The following WDR35 variants were observed in gnomAD, a reference collection of about 807,000 sequenced individuals.
The protein encoded by WDR35 is WD repeat-containing protein 35.
In WDR35, 118 loss-of-function variants were observed where a neutral mutation model predicts 158.3. The ratio of observed to expected loss-of-function variants is 0.75; its 90% CI spans 0.64 to 0.87. The LOEUF is 0.87. WDR35 is among the 40% of genes least tolerant of loss of function. WDR35 has a pLI of 0.00. For synonymous variants in WDR35, 448 were observed against 476.1 expected (o/e 0.94, Z 0.77); for missense variants, 1,263 against 1,405.8 (o/e 0.90, Z 1.62).
chr2:19,926,793 G>C (rs1280058678), intron 25 of WDR35, among the ~76,000 whole-genome samples: 1 of 152,208 alleles, frequency 6.6e-6, no homozygotes, highest in East Asian at 1.9e-4. Flanking sequence ...TAGAGGTTAT[G>C]CTTGTGTTTC....
intron 2 of WDR35, among the ~76,000 whole-genome samples, chr2:19,984,040 T>C (rs1041256750): frequency 0.01 from 93 of 8,986 alleles, 2 homozygotes; most frequent in South Asian, 0.031. Context: ...TATATATATA[T>C]ACATATATAC....
In WDR35 at chr2:19,932,446, C is replaced by A; in HGVS notation, c.2660G>T (p.Trp887Leu). 6.2e-7 allele frequency: 1 copy of A among 1,613,102 alleles called. No individual in the cohort carries two copies. The highest frequency in any genetic ancestry group is 8.5e-7 in the Non-Finnish European group (1 of 1,179,448). ...AVDTCVHLNQ[W>L]NKAVELAKNH... ...TTTAGCCAATTCAACAGCTTTGTTC[C>A]ACTAGGAGAAAAATTACACCATTCA... Residue 887 changes from tryptophan (W) to leucine (L), a missense_variant and splice_region_variant, in exon 23 of 27, where the codon TGG (tryptophan) becomes TTG (leucine). Trp to Leu is a moderately conservative substitution (Grantham distance 61, BLOSUM62 -2). Coordinates refer to ENST00000281405, the MANE Select transcript of WDR35 (RefSeq NM_020779.4).
At chr2:19,924,513 G>A (rs1034982141) in intron 25 of WDR35, among the ~76,000 whole-genome samples, 7 of 152,148 alleles carry the variant, frequency 4.6e-5, no homozygotes, top group South Asian at 4.1e-4. Context: ...GCAGTGAGCC[G>A]AGATCGCGCC....
In WDR35 at chr2:19,914,136, G is replaced by C. The variant is rs1223358091; in HGVS notation, c.3263C>G (p.Ser1088Ter). 6.2e-7 allele frequency: 1 copy of C among 1,614,020 alleles called. No homozygotes were observed. The highest frequency in any genetic ancestry group is 1.3e-5 in the African/African-American group (1 of 74,928). The part of the protein sequence containing the change: ...IKLKSLETLS[S>*]EQKQQYEDLA... ...GTCTTCATACTGCTGTTTCTGTTCT[G>C]AACTGAGGGTCTCTAAAGATTTAAG... is the stretch of plus-strand genomic sequence containing the variant. The change falls in exon 26 of 27, where the codon TCA becomes TGA. Residue 1088 changes from serine to a stop codon, truncating the protein, a stop_gained. Transcript: ENST00000281405. LOFTEE classifies it high-confidence loss of function.
At chr2:19,981,756 C>T (rs1282464778) in intron 3 of WDR35, among the ~76,000 whole-genome samples, 20 of 152,072 alleles carry the variant, frequency 1.3e-4, no homozygotes, top group Admixed American at 1.2e-3. Flanking sequence ...CAGCCTCATG[C>T]AGTCTTCCCA....
At chr2:19,919,256 C>A (rs1234090641) in intron 25 of WDR35, among the ~76,000 whole-genome samples, 2 of 151,700 alleles carry the variant, frequency 1.3e-5, no homozygotes, top group African/African-American at 4.8e-5. Context: ...TGGCGGGCGC[C>A]TGTAGTCCCA....
At position 19,975,550 on chromosome 2, in the gene WDR35, C is replaced by T. The variant is rs770758879; in HGVS notation, c.550G>A (p.Asp184Asn). 3 of 1,613,480 alleles carry T rather than the reference C, an allele frequency of 1.9e-6. No homozygotes were observed. Among genetic ancestry groups the T allele is most frequent in the African/African-American group, 1.3e-5 (1 of 75,000 alleles). The change falls in exon 6 of 27, where the codon GAT (aspartate) becomes AAT (asparagine). Residue 184 changes from aspartate to asparagine, a missense_variant. By Grantham distance (23) the Asp-to-Asn change is conservative. Transcript: ENST00000281405. The part of the protein sequence containing the change: ...GMANGEIHIY[D>N]NQGNFMIKMK... ...CTTACCATAAAATTTCCTTGATTAT[C>T]GTAAATGTGTATTTCCCCATTTGCC...
chr2:19,960,146 T>C (rs16987257), intron 11 of WDR35, among the ~76,000 whole-genome samples: 33,274 of 151,986 alleles, frequency 0.22, 3,990 homozygotes, highest in Non-Finnish European at 0.25. Flanking sequence ...GAGAGGTATT[T>C]ACAAGCAGTT....
At position 19,948,182 on chromosome 2, in the gene WDR35, TG is replaced by T; in HGVS notation, c.1505del (p.Ser502Ter). On this transcript the variant is annotated frameshift_variant, in exon 14 of 27. Coordinates refer to ENST00000281405, the MANE Select transcript of WDR35 (RefSeq NM_020779.4). LOFTEE classifies it high-confidence loss of function. The part of the protein sequence containing the change: ...TRDPICAITA[S>X]DKILIVGRES... ...AACTTACCACAATCAATATCTTATC[TG>T]ATGCAGTTATGGCACAAATTGGATC... is the stretch of plus-strand genomic sequence containing the variant. The T allele has an allele frequency of 6.2e-7, 1 of 1,609,606 alleles. No homozygotes were observed. The highest frequency in any genetic ancestry group is 2.2e-5 in the East Asian group (1 of 44,792).
intron 13 of WDR35, among the ~76,000 whole-genome samples, chr2:19,948,589 G>A (rs1346753659): frequency 6.6e-6 from 1 of 151,830 alleles, no homozygotes; most frequent in Non-Finnish European, 1.5e-5. Context: ...ACAGCAGAAG[G>A]GCCAGCACAT....
At chr2:19,989,007 T>G (rs114140632) in intron 2 of WDR35, among the ~76,000 whole-genome samples, 158 bp downstream of exon 2, 371 of 152,366 alleles carry the variant, frequency 2.4e-3, no homozygotes, top group African/African-American at 8.3e-3. Context: ...CTCTGAACTT[T>G]ATTGCAAATA....
intron 25 of WDR35, among the ~76,000 whole-genome samples, chr2:19,922,022 C>G (rs1453669565): frequency 2.0e-5 from 3 of 152,170 alleles, no homozygotes; most frequent in Non-Finnish European, 4.4e-5. Flanking sequence ...CAATGAGATA[C>G]CATCTCACAC....
chr2:19,987,910 A>G (rs12611974), intron 2 of WDR35, among the ~76,000 whole-genome samples: 12,648 of 151,442 alleles, frequency 0.084, 619 homozygotes, highest in East Asian at 0.23. Flanking sequence ...ATACACACGT[A>G]TATATATATC....
intron 12 of WDR35, among the ~76,000 whole-genome samples, chr2:19,953,126 C>A (rs1321909894): frequency 6.6e-6 from 1 of 152,178 alleles, no homozygotes; most frequent in Non-Finnish European, 1.5e-5. Flanking sequence ...AAACATTCAA[C>A]AAAATGCTTT....
intron 18 of WDR35, 119 bp downstream of exon 18, chr2:19,938,146 A>G: frequency 1.4e-6 from 2 of 1,469,434 alleles, no homozygotes; most frequent in Non-Finnish European, 9.3e-7. Context: ...CATCTTAAAA[A>G]GAAGAGCAAG....
Position 19,966,844 on chromosome 2 carries a change from A to T in WDR35, c.1074T>A (p.Val358=). 6.2e-7 allele frequency: 1 copy of T among 1,614,034 alleles called. No individual in the cohort carries two copies. The highest frequency in any genetic ancestry group is 1.1e-5 in the South Asian group (1 of 91,076). Residue 358 remains valine, a synonymous_variant, in exon 10 of 27, where the codon GTT becomes GTA. Coordinates refer to ENST00000281405, the MANE Select transcript of WDR35 (RefSeq NM_020779.4). ...CATTGTTTTTCGTATCCCAGAAGAC[A>T]ACACAATATTCTGGACGATCAGGTC... ...YTRPDRPEYC[V]VFWDTKNNEK...
intron 1 of WDR35, among the ~76,000 whole-genome samples, chr2:19,989,583 C>T (rs1374289268): frequency 1.3e-5 from 2 of 152,178 alleles, no homozygotes; most frequent in Admixed American, 1.3e-4. Context: ...ATCCATACCA[C>T]CAGTCCCTCT....
intron 16 of WDR35, among the ~76,000 whole-genome samples, chr2:19,942,539 T>C (rs1670912310): frequency 6.6e-6 from 1 of 150,588 alleles, no homozygotes; most frequent in Non-Finnish European, 1.5e-5. Context: ...AACATGTTTA[T>C]CATTAGAAAT....
At chr2:19,917,852 AGCAAG>A (rs1413858939) in intron 25 of WDR35, among the ~76,000 whole-genome samples, 1 of 152,234 alleles carries the variant, frequency 6.6e-6, no homozygotes, top group Non-Finnish European at 1.5e-5. Context: ...TCCCCAACCT[AGCAAG>A]GCAGGCCAAC....
Sources: allele counts gnomAD v4.1 joint callset (sites outside exome capture counted in the v4.1 genomes callset), GRCh38; gene constraint gnomAD v4.1.1; transcripts MANE v1.5; gene names NCBI Gene and HGNC (gene_info 2026-07-23, HGNC 2026-07-21).